The following OMA1 variants were observed in gnomAD, a reference collection of about 807,000 sequenced individuals.
OMA1 encodes the protein OMA1 zinc metallopeptidase, also known as metalloendopeptidase OMA1, mitochondrial.
A neutral mutation model predicts 30.9 loss-of-function variants in OMA1; 38 were observed. The observed-to-expected ratio is 1.23, with a 90% CI of 0.95 to 1.61. The LOEUF is 1.61. Ranked by LOEUF, OMA1 falls within the 40% of genes most tolerant of loss-of-function variation. The pLI is 0.00. For missense variants in OMA1, 461 were observed against 349.2 expected (o/e 1.32, Z -2.55); for synonymous variants, 173 against 121.9 (o/e 1.42, Z -2.76).
Position 58,518,701 on chromosome 1 carries a change from G to C in OMA1, c.1215+8560C>G, listed in dbSNP as rs528208998. Reference sequence around the variant, plus strand: ...TGAATAGAGGGTAGTATATTCATTGGGAAAAGGGAGACCAGAAGAAAAACA... The same window carrying C: ...TGAATAGAGGGTAGTATATTCATTGCGAAAAGGGAGACCAGAAGAAAAACA... On this transcript the variant is annotated intron_variant, in intron 7 of 8. Coordinates refer to ENST00000371226, the MANE Select transcript of OMA1 (RefSeq NM_145243.5). Among the ~76,000 whole-genome samples, 3 of 152,064 alleles carry C rather than the reference G, an allele frequency of 2.0e-5. No homozygotes were observed. The South Asian group carries it at 6.2e-4, about 32-fold the overall frequency.
At chr1:58,497,219 AAAAC>A (rs1200610465) in intron 8 of OMA1, among the ~76,000 whole-genome samples, 8 of 152,184 alleles carry the variant, frequency 5.3e-5, no homozygotes, top group African/African-American at 1.9e-4. Context: ...GACAAGTTTT[AAAAC>A]AAACAAAACA....
chr1:58,493,622 A>C (rs1645740659), intron 8 of OMA1, among the ~76,000 whole-genome samples: 1 of 151,464 alleles, frequency 6.6e-6, no homozygotes, highest in Admixed American at 6.6e-5. Context: ...ATACACCAAT[A>C]ACAGACAAAC....
intron 6 of OMA1, among the ~76,000 whole-genome samples, chr1:58,529,030 T>C (rs1427000314): frequency 1.3e-5 from 2 of 152,132 alleles, no homozygotes; most frequent in Non-Finnish European, 1.5e-5. Flanking sequence ...ATCAGGAAAA[T>C]AACCACATTA....
intron 7 of OMA1, among the ~76,000 whole-genome samples, chr1:58,516,264 T>C (rs1477676934): frequency 6.6e-6 from 1 of 152,234 alleles, no homozygotes; most frequent in African/African-American, 2.4e-5. Context: ...CAGTTTTCTT[T>C]TCCAAACTTA....
At chr1:58,527,984 T>C (rs1646378370) in intron 6 of OMA1, among the ~76,000 whole-genome samples, 1 of 152,234 alleles carries the variant, frequency 6.6e-6, no homozygotes. Context: ...TAAAACTTTG[T>C]AGGAGATGAA....
chr1:58,514,332 T>C (rs1646127350), intron 7 of OMA1, among the ~76,000 whole-genome samples: 1 of 152,202 alleles, frequency 6.6e-6, no homozygotes, highest in African/African-American at 2.4e-5. Context: ...TTTCACCATT[T>C]CCCAATGCCA....
chr1:58,503,021 AT>A (rs1557443848), intron 8 of OMA1, among the ~76,000 whole-genome samples: 4 of 152,172 alleles, frequency 2.6e-5, no homozygotes, highest in African/African-American at 9.6e-5. Flanking sequence ...ATTCATTATT[AT>A]TTTAAAGACA....
chr1:58,483,778 T>C (rs1375362005), intron 8 of OMA1, among the ~76,000 whole-genome samples: 1 of 152,250 alleles, frequency 6.6e-6, no homozygotes, highest in Non-Finnish European at 1.5e-5. Context: ...ACATCAGGCA[T>C]GAGCCATGAC....
rs550471201 is a variant in OMA1, at chr1:58,532,460, T to C, written c.1011+1493A>G. ...TGTGAAGCCATTACTTGAAAGATAT[T>C]AGAGTGCATATAATAACACTGCTTA... On this transcript the variant is annotated intron_variant, in intron 5 of 8. Transcript: ENST00000371226. Among the ~76,000 whole-genome samples, 12 of 150,718 alleles carry C rather than the reference T, an allele frequency of 8.0e-5. No homozygotes were observed. In the East Asian group the frequency reaches 1.9e-3, roughly 24 times the overall value.
intron 8 of OMA1, among the ~76,000 whole-genome samples, chr1:58,483,699 C>T (rs1157658414): frequency 3.3e-5 from 5 of 152,156 alleles, no homozygotes; most frequent in South Asian, 2.1e-4. Flanking sequence ...CTCAGCTAAA[C>T]GGTGACCTAC....
chr1:58,488,819 C>T (rs190294441), intron 8 of OMA1, among the ~76,000 whole-genome samples: 22 of 152,350 alleles, frequency 1.4e-4, no homozygotes, highest in African/African-American at 5.1e-4. Context: ...CCACTGTATA[C>T]GTCTTATGCC....
At chr1:58,515,979 T>C (rs1451036468) in intron 7 of OMA1, among the ~76,000 whole-genome samples, 1 of 152,232 alleles carries the variant, frequency 6.6e-6, no homozygotes, top group African/African-American at 2.4e-5. Flanking sequence ...GCTTATTACC[T>C]AATGCCCTCA....
intron 8 of OMA1, among the ~76,000 whole-genome samples, chr1:58,505,836 C>A (rs1039207107): frequency 6.6e-6 from 1 of 152,176 alleles, no homozygotes; most frequent in Non-Finnish European, 1.5e-5. Context: ...TAAACCTTCA[C>A]TATTAAGAAA....
chr1:58,510,567 G>T (rs1249871108), intron 7 of OMA1, among the ~76,000 whole-genome samples: 4 of 151,980 alleles, frequency 2.6e-5, no homozygotes, highest in South Asian at 2.1e-4. Context: ...TAGGAACAAG[G>T]CAAGAATGAC....
At chr1:58,516,256 GTTTTC>G (rs2100439399) in intron 7 of OMA1, among the ~76,000 whole-genome samples, 1 of 152,292 alleles carries the variant, frequency 6.6e-6, no homozygotes, top group East Asian at 1.9e-4. Flanking sequence ...AAGAATATCA[GTTTTC>G]TTTTCCAAAC....
chr1:58,519,384 G>A (rs1190534003), intron 7 of OMA1, among the ~76,000 whole-genome samples: 3 of 152,144 alleles, frequency 2.0e-5, no homozygotes, highest in Non-Finnish European at 2.9e-5. Flanking sequence ...CTGCAGACAC[G>A]TGAATGACCA....
At chr1:58,504,223 G>A (rs140448341) in intron 8 of OMA1, among the ~76,000 whole-genome samples, 2 of 152,328 alleles carry the variant, frequency 1.3e-5, no homozygotes, top group Non-Finnish European at 2.9e-5. Context: ...AAGATCCTGC[G>A]TGGTCTGGTC....
intron 8 of OMA1, among the ~76,000 whole-genome samples, chr1:58,503,514 G>A (rs962952480): frequency 6.6e-6 from 1 of 151,998 alleles, no homozygotes; most frequent in Non-Finnish European, 1.5e-5. Flanking sequence ...TCTGTGTCCT[G>A]TCAAAATTTA....
chr1:58,480,968 A>C lies in OMA1; in HGVS notation c.1572T>G (p.Ser524Arg), dbSNP rs533642375. 2.1e-4 allele frequency: 178 copies of C among 862,150 alleles called. 1 individual carries two copies. The South Asian group carries it at 2.4e-3, about 12-fold the overall frequency. 53.4% of individuals were successfully genotyped at this position (862,150 alleles called of 1,614,324 possible). A position where few individuals can be genotyped will look rare whatever the true frequency, so the allele number is the denominator to read the frequency against. ...LTYIVEKRTG[S>R] ...CTTGTGTCTCATAAATTTTAATTCA[A>C]CTGCCCGTTCTTTTCTCAACTATGT... The change falls in exon 9 of 9, where the codon AGT becomes AGG. Residue 524 changes from serine (S) to arginine (R), a missense_variant. Coordinates refer to ENST00000371226, the MANE Select transcript of OMA1 (RefSeq NM_145243.5).
Sources: allele counts gnomAD v4.1 joint callset (sites outside exome capture counted in the v4.1 genomes callset), GRCh38; gene constraint gnomAD v4.1.1; transcripts MANE v1.5; gene names NCBI Gene and HGNC (gene_info 2026-07-23, HGNC 2026-07-21).